Variants in PRKD3 observed in about 807,000 individuals in gnomAD.
PRKD3 encodes protein kinase D3.
In PRKD3, 47 loss-of-function variants were observed where a neutral mutation model predicts 99.2. The observed-to-expected ratio is 0.47, with a 90% CI of 0.38 to 0.60. The LOEUF is 0.60. Among genes scored for constraint, PRKD3 ranks in the 20% least tolerant of loss-of-function variants. PRKD3 has a pLI of 0.00. For missense variants in PRKD3, 1,019 were observed against 1,088.4 expected, an observed-to-expected ratio of 0.94 and a Z score of 0.90; for synonymous variants, 392 against 355.4, an observed-to-expected ratio of 1.10 and a Z score of -1.16.
chr2:37,306,881 G>GT (rs2124882348), intron 2 of PRKD3, among the ~76,000 whole-genome samples: 1 of 152,306 alleles, frequency 6.6e-6, no homozygotes, highest in African/African-American at 2.4e-5. Context: ...ATTCATATTT[G>GT]TAAGATTTTA....
chr2:37,282,518 A>C (rs1422520785), intron 7 of PRKD3, 24 bp downstream of exon 7: 1 of 1,470,964 alleles, frequency 6.8e-7, no homozygotes, highest in Admixed American at 1.7e-5. Flanking sequence ...GATCTTTCAC[A>C]AAAATTAAGA....
At chr2:37,308,758 G>A (rs1671283652) in intron 2 of PRKD3, among the ~76,000 whole-genome samples, 1 of 151,996 alleles carries the variant, frequency 6.6e-6, no homozygotes, top group Admixed American at 6.6e-5. Context: ...CCCAGCTAGT[G>A]TCAGGTATTA....
At chr2:37,261,726 G>A (rs1242892205) in intron 14 of PRKD3, among the ~76,000 whole-genome samples, 1 of 152,204 alleles carries the variant, frequency 6.6e-6, no homozygotes, top group East Asian at 1.9e-4. Flanking sequence ...GTTGCGGTGA[G>A]CTGAGATTGC....
chr2:37,306,929 C>T (rs1671194992), intron 2 of PRKD3, among the ~76,000 whole-genome samples: 1 of 152,140 alleles, frequency 6.6e-6, no homozygotes, highest in African/African-American at 2.4e-5. Context: ...TTACTAAGCC[C>T]CTACAATGGT....
In PRKD3 at chr2:37,256,921, C is replaced by A; in HGVS notation, c.2154G>T (p.Leu718=). 4 of 1,613,906 alleles carry A rather than the reference C, an allele frequency of 2.5e-6. No individual in the cohort carries two copies. The highest frequency in any genetic ancestry group is 3.4e-6 in the Non-Finnish European group (4 of 1,179,882). ...TGATGCGTGCAAATCCAAAGTCACA[C>A]AGCTTCACCTGGAAATTGAAGGATG... The part of the protein sequence containing the change: ...ASAEPFPQVK[L]CDFGFARIIG... The change falls in exon 17 of 19, where the codon CTG becomes CTT. Residue 718 remains leucine (L), a synonymous_variant. Coordinates refer to ENST00000234179, the MANE Select transcript of PRKD3 (RefSeq NM_005813.6).
chr2:37,260,856 CT>C (rs1008610395), intron 14 of PRKD3, among the ~76,000 whole-genome samples: 1 of 152,082 alleles, frequency 6.6e-6, no homozygotes, highest in Non-Finnish European at 1.5e-5. Context: ...CATTAATTCC[CT>C]TTTTTTAGGC....
intron 16 of PRKD3, among the ~76,000 whole-genome samples, chr2:37,258,220 ATGC>A (rs371860684): frequency 3.9e-4 from 60 of 152,368 alleles, no homozygotes; most frequent in African/African-American, 1.4e-3. Flanking sequence ...AAGTTATCAA[ATGC>A]TGCTATTTCT....
intron 2 of PRKD3, among the ~76,000 whole-genome samples, chr2:37,306,068 T>C (rs1275634401): frequency 4.9e-5 from 2 of 40,654 alleles, no homozygotes; most frequent in Non-Finnish European, 5.8e-5. Context: ...CCTTGGATTC[T>C]TTTTTTTTTT....
intron 12 of PRKD3, among the ~76,000 whole-genome samples, chr2:37,270,625 T>C (rs1669185627): frequency 6.6e-6 from 1 of 152,200 alleles, no homozygotes; most frequent in South Asian, 2.1e-4. Context: ...GAACTTCACT[T>C]AGCAGACCCA....
chr2:37,302,990 A>C (rs992064335), intron 2 of PRKD3, among the ~76,000 whole-genome samples: 1 of 152,118 alleles, frequency 6.6e-6, no homozygotes, highest in Admixed American at 6.5e-5. Context: ...TTACCAATCG[A>C]ATGTTGCCTT....
chr2:37,282,112 C>A (rs1669880576), intron 7 of PRKD3, among the ~76,000 whole-genome samples: 1 of 152,114 alleles, frequency 6.6e-6, no homozygotes, highest in Admixed American at 6.5e-5. Context: ...TGTATTTGTG[C>A]CTCAGTTTAC....
At chr2:37,285,236 G>A (rs1670036312) in intron 6 of PRKD3, among the ~76,000 whole-genome samples, 1 of 152,154 alleles carries the variant, frequency 6.6e-6, no homozygotes, top group Non-Finnish European at 1.5e-5. Flanking sequence ...ACTGTGAAAA[G>A]TTTCTACTGT....
chr2:37,254,938 T>C (rs1667812472), intron 17 of PRKD3, among the ~76,000 whole-genome samples: 1 of 152,230 alleles, frequency 6.6e-6, no homozygotes, highest in Admixed American at 6.5e-5. Flanking sequence ...GAATGATCAA[T>C]TGCAAAACCA....
At chr2:37,304,600 G>A (rs1671076420) in intron 2 of PRKD3, among the ~76,000 whole-genome samples, 1 of 151,930 alleles carries the variant, frequency 6.6e-6, no homozygotes, top group South Asian at 2.1e-4. Flanking sequence ...AAATTAGCTA[G>A]GCATGGTGGC....
intron 11 of PRKD3, among the ~76,000 whole-genome samples, chr2:37,273,552 C>T (rs1669414645): frequency 6.6e-6 from 1 of 152,140 alleles, no homozygotes; most frequent in African/African-American, 2.4e-5. Flanking sequence ...CTCACTTTTG[C>T]ACTGTACTGC....
At chr2:37,296,773 G>A (rs1048456549) in intron 2 of PRKD3, among the ~76,000 whole-genome samples, 5 of 151,606 alleles carry the variant, frequency 3.3e-5, no homozygotes, top group African/African-American at 9.7e-5. Context: ...GGTGGCGGGC[G>A]CCTGTAGTCC....
chr2:37,286,419 T>G (rs1558555061), intron 5 of PRKD3, 50 bp from the exon 6 acceptor site: 1 of 1,489,570 alleles, frequency 6.7e-7, no homozygotes, highest in Non-Finnish European at 9.2e-7. Context: ...AAAAACAGAG[T>G]AGTGGGAGCA....
intron 17 of PRKD3, among the ~76,000 whole-genome samples, chr2:37,256,335 C>G (rs533879035): frequency 6.6e-6 from 1 of 152,124 alleles, no homozygotes; most frequent in South Asian, 2.1e-4. Context: ...GTAATGTTTC[C>G]TGAAGATAGA....
At chr2:37,295,035 A>C (rs575724546) in intron 2 of PRKD3, among the ~76,000 whole-genome samples, 1 of 152,226 alleles carries the variant, frequency 6.6e-6, no homozygotes, top group Admixed American at 6.5e-5. Flanking sequence ...AGATTGCACA[A>C]CTGCACTCCA....
Sources: gnomAD v4.1 joint callset for allele counts (sites outside exome capture counted in the v4.1 genomes callset) on GRCh38, gnomAD v4.1.1 for gene constraint, MANE v1.5 for transcripts, NCBI Gene and HGNC (gene_info 2026-07-23, HGNC 2026-07-21) for gene names.